The following OARD1 variants were observed in gnomAD, a reference collection of about 807,000 sequenced individuals.
OARD1 encodes the protein O-acyl-ADP-ribose deacylase 1, also known as ADP-ribose glycohydrolase OARD1.
A neutral mutation model predicts 19.7 loss-of-function variants in OARD1; 19 were observed. The observed-to-expected ratio is 0.96, with a 90% CI of 0.67 to 1.41. The LOEUF (loss-of-function observed/expected upper bound fraction) is 1.41. OARD1 is among the 40% of genes most tolerant of loss of function. The pLI is 0.00. For missense variants in OARD1, 190 were observed against 183.8 expected (o/e 1.03, Z -0.20); for synonymous variants, 70 against 61.8 (o/e 1.13, Z -0.62).
At chr6:41,082,698 G>T (rs922255095) in intron 1 of OARD1, among the ~76,000 whole-genome samples, 4 of 152,126 alleles carry the variant, frequency 2.6e-5, no homozygotes, top group Non-Finnish European at 5.9e-5. Flanking sequence ...TAGTTATTTT[G>T]GTTATTCTTG....
intron 1 of OARD1, chr6:41,079,291 T>C: frequency 2.4e-6 from 2 of 828,278 alleles, no homozygotes; most frequent in South Asian, 1.7e-5. Flanking sequence ...TTGGGTCTGA[T>C]GGCTTGTGCT....
Position 41,067,411 on chromosome 6 carries a change from T to C in OARD1, c.383A>G (p.Gln128Arg), listed in dbSNP as rs745434047. ...GATCATCGCAGATACATTTTCCCAT[T>C]GCAGACGATCAAGACCACATCCAAT... ...PRIGCGLDRL[Q>R]WENVSAMIEE... The change falls in exon 6 of 6, where the codon CAA (glutamine) becomes CGA (arginine). Residue 128 changes from glutamine to arginine, a missense_variant. Gln to Arg is a conservative substitution (Grantham distance 43). Transcript: ENST00000424266. The C allele has an allele frequency of 6.2e-7, 1 of 1,613,570 alleles. No individual in the cohort carries two copies. Among genetic ancestry groups the C allele is most frequent in the South Asian group, 1.1e-5 (1 of 91,064 alleles).
chr6:41,079,070 G>A, intron 1 of OARD1: 1 of 1,612,032 alleles, frequency 6.2e-7, no homozygotes, highest in South Asian at 1.1e-5. Context: ...GAGTGGACAG[G>A]AATCTCACTT....
At chr6:41,090,983 G>A (rs1020338016) in intron 1 of OARD1, among the ~76,000 whole-genome samples, 1 of 152,212 alleles carries the variant, frequency 6.6e-6, no homozygotes, top group African/African-American at 2.4e-5. Context: ...TGCACTAACT[G>A]TGTGCTCTTG....
intron 5 of OARD1, among the ~76,000 whole-genome samples, chr6:41,067,644 A>G (rs1409063511): frequency 6.6e-6 from 1 of 152,198 alleles, no homozygotes; most frequent in African/African-American, 2.4e-5. Context: ...AAAAACTATC[A>G]CTTCTGTTTG....
chr6:41,089,724 C>T, intron 1 of OARD1: 2 of 1,608,976 alleles, frequency 1.2e-6, no homozygotes, highest in South Asian at 1.1e-5. Context: ...ATTCCACTAG[C>T]TCTGTCACAC....
upstream of OARD1, among the ~76,000 whole-genome samples, chr6:41,074,105 G>A (rs558688382): frequency 6.6e-6 from 1 of 152,248 alleles, no homozygotes; most frequent in Non-Finnish European, 1.5e-5. Context: ...ACAGTTTTGG[G>A]GGTTTTTTTT....
intron 1 of OARD1, among the ~76,000 whole-genome samples, chr6:41,085,245 A>T (rs1378768782): frequency 6.6e-6 from 1 of 152,236 alleles, no homozygotes; most frequent in Non-Finnish European, 1.5e-5. Flanking sequence ...AAAAGCATCA[A>T]TAGTAGGGGG....
At chr6:41,069,206 G>A in intron 4 of OARD1, 1 of 301,072 alleles carries the variant, frequency 3.3e-6, no homozygotes, top group Non-Finnish European at 6.1e-6. Flanking sequence ...AAACCCATGA[G>A]ATTAGCAGAT....
intron 3 of OARD1, 56 bp from the exon 4 acceptor site, chr6:41,070,190 T>G: frequency 8.7e-6 from 8 of 921,910 alleles, no homozygotes; most frequent in Non-Finnish European, 1.2e-5. Flanking sequence ...CACTGATCTC[T>G]AAAGATTTTA....
chr6:41,093,761 A>G (rs945972925), intron 1 of OARD1, among the ~76,000 whole-genome samples: 2 of 152,208 alleles, frequency 1.3e-5, no homozygotes, highest in African/African-American at 2.4e-5. Flanking sequence ...GTGAGCCACC[A>G]TACCCGGCCA....
At chr6:41,085,557 T>G (rs1764022687) in intron 1 of OARD1, among the ~76,000 whole-genome samples, 1 of 152,226 alleles carries the variant, frequency 6.6e-6, no homozygotes, top group Non-Finnish European at 1.5e-5. Flanking sequence ...TTAGTTACTC[T>G]ATCTAAATGT....
At chr6:41,068,059 T>A (rs1451724695) in intron 5 of OARD1, among the ~76,000 whole-genome samples, 1 of 152,080 alleles carries the variant, frequency 6.6e-6, no homozygotes, top group African/African-American at 2.4e-5. Context: ...TGTCATAATG[T>A]GATAATTAAG....
chr6:41,092,787 C>T lies in OARD1; in HGVS notation c.-42+4926G>A, dbSNP rs537696834. 2.0e-5 allele frequency: 18 copies of T among 884,354 alleles called. No individual in the cohort carries two copies. In the East Asian group the frequency reaches 2.1e-4, roughly 10 times the overall value. The allele number at this position is 884,354 out of a possible 1,614,324, so 54.8% of individuals were successfully genotyped here. On this transcript the variant is annotated intron_variant, in intron 1 of 4. Transcript: ENST00000480585. ...AATTTCTCCAGGGATCCGCATTTAC[C>T]CAAGTACCCTATAAAAATTACTTTT...
At chr6:41,097,679 C>A in intron 1 of OARD1, 1 of 381,402 alleles carries the variant, frequency 2.6e-6, no homozygotes, top group East Asian at 5.0e-5. Context: ...TGCAAGGAGA[C>A]ACATGCCACC....
intron 5 of OARD1, among the ~76,000 whole-genome samples, chr6:41,068,304 C>T (rs920238672): frequency 1.3e-5 from 2 of 152,188 alleles, no homozygotes; most frequent in African/African-American, 4.8e-5. Context: ...CCCTCAATGT[C>T]ATTCCCTAAA....
At chr6:41,068,270 A>G (rs1225565272) in intron 5 of OARD1, among the ~76,000 whole-genome samples, 1 of 152,200 alleles carries the variant, frequency 6.6e-6, no homozygotes, top group Admixed American at 6.5e-5. Context: ...CATTTCCTGA[A>G]AAGAAAGCAA....
chr6:41,084,740 A>G lies in OARD1; in HGVS notation c.-42+12973T>C, dbSNP rs1423563111. 2.6e-5 allele frequency among the ~76,000 whole-genome samples: 4 copies of G among 152,348 alleles called. No homozygotes were observed. In the South Asian group the frequency reaches 6.2e-4, roughly 24 times the overall value. ...CACTTGGGGAGGCCAAGGCAGGTGG[A>G]TCACTTGAGGCCAGGAGTTCAAGAC... On this transcript the variant is annotated intron_variant, in intron 1 of 4. Coordinates refer to the OARD1 transcript ENST00000480585.
At chr6:41,080,699 T>G in intron 1 of OARD1, 1 of 815,378 alleles carries the variant, frequency 1.2e-6, no homozygotes, top group South Asian at 1.6e-5. Flanking sequence ...CTGTACATTT[T>G]GAAAGTCCTT....
Sources: gnomAD v4.1 joint callset for allele counts (sites outside exome capture counted in the v4.1 genomes callset) on GRCh38, gnomAD v4.1.1 for gene constraint, MANE v1.5 for transcripts, NCBI Gene and HGNC (gene_info 2026-07-23, HGNC 2026-07-21) for gene names.